The following TBC1D16 variants were observed in gnomAD, a reference collection of about 807,000 sequenced individuals.
TBC1D16 encodes the protein TBC1 domain family member 16.
In TBC1D16, 58 loss-of-function variants were observed where a neutral mutation model predicts 74.7. The ratio of observed to expected loss-of-function variants is 0.78; its 90% confidence interval spans 0.63 to 0.97. The LOEUF (loss-of-function observed/expected upper bound fraction) is 0.97. Among genes scored for constraint, TBC1D16 ranks in the 50% least tolerant of loss-of-function variants. TBC1D16 has a pLI of 0.00. For missense variants in TBC1D16, 1,014 were observed against 1,079.5 expected, an observed-to-expected ratio of 0.94 and a Z score of 0.85; for synonymous variants, 493 against 474.7, an observed-to-expected ratio of 1.04 and a Z score of -0.50.
In TBC1D16 at chr17:79,944,413, A is replaced by G. The variant is rs528474984; in HGVS notation, c.1908+495T>C. 2.6e-5 allele frequency among the ~76,000 whole-genome samples: 4 copies of G among 152,292 alleles called. No individual in the cohort carries two copies. The highest frequency in any genetic ancestry group is 9.6e-5 in the African/African-American group (4 of 41,564). ...GGAATTTGCTGAGAAGATGCTGGTG[A>G]CGGTGGACGGAGAGTGGAAGTCGGT... On this transcript the variant is annotated intron_variant, in intron 10 of 11. Coordinates refer to ENST00000310924, the MANE Select transcript of TBC1D16 (RefSeq NM_019020.4). The surrounding 1 kb of genome is among the most constrained non-coding windows in gnomAD (Gnocchi z 7.7).
chr17:79,964,906 A>G (rs2033775566), intron 3 of TBC1D16, among the ~76,000 whole-genome samples: 1 of 152,154 alleles, frequency 6.6e-6, no homozygotes, highest in African/African-American at 2.4e-5. Flanking sequence ...TATATAATAT[A>G]TATTGACAGG....
At chr17:80,002,087 G>A (rs1044976724) in intron 3 of TBC1D16, among the ~76,000 whole-genome samples, 15 of 152,168 alleles carry the variant, frequency 9.9e-5, no homozygotes, top group African/African-American at 2.9e-4. Flanking sequence ...GATCCGGAAC[G>A]AGCAGAGCTT....
chr17:79,943,229 C>T (rs957428317), intron 10 of TBC1D16, among the ~76,000 whole-genome samples: 18 of 152,314 alleles, frequency 1.2e-4, no homozygotes, highest in Admixed American at 3.9e-4. Flanking sequence ...CTGGGACGGT[C>T]TTGTTTTGGC....
rs564383644 is a variant in TBC1D16 at position 79,954,616 on chromosome 17, G to A, written c.780-1798C>T. ...CCCAAGTGGACCCTGCGGGAGCTGC[G>A]CTTCAGAATCGTTGCTCACAACACA... On this transcript the variant is annotated intron_variant, in intron 3 of 11. Transcript: ENST00000310924. The surrounding 1 kb of genome is among the most constrained non-coding windows in gnomAD (Gnocchi z 5.5). Among the ~76,000 whole-genome samples the A allele has an allele frequency of 4.6e-5, 7 of 152,134 alleles. No individual in the cohort carries two copies. Among genetic ancestry groups the A allele is most frequent in the Admixed American group, 3.9e-4 (6 of 15,276 alleles).
intron 3 of TBC1D16, among the ~76,000 whole-genome samples, chr17:79,969,648 A>G (rs1185726095): frequency 1.3e-5 from 2 of 152,100 alleles, no homozygotes; most frequent in Admixed American, 1.3e-4. Context: ...TATCCTAGAT[A>G]ATAGAAAATA....
At chr17:79,996,876 C>T (rs1322339207) in intron 3 of TBC1D16, among the ~76,000 whole-genome samples, 5 of 152,144 alleles carry the variant, frequency 3.3e-5, no homozygotes, top group African/African-American at 1.2e-4. Flanking sequence ...TATTCACAGT[C>T]GCCCCTGAAT....
rs189106136 is a variant in TBC1D16, at chr17:79,979,801, T to C, written c.780-26983A>G. On this transcript the variant is annotated intron_variant, in intron 3 of 11. Transcript: ENST00000310924. The surrounding 1 kb of genome is among the most constrained non-coding windows in gnomAD (Gnocchi z 4.8). Reference sequence around the variant, plus strand: ...CCTGACTAGAGAACCAAGCAGAGACTGAGGCCAGAGAATAACCAAGTAGCA... The same window carrying C: ...CCTGACTAGAGAACCAAGCAGAGACCGAGGCCAGAGAATAACCAAGTAGCA... Among the ~76,000 whole-genome samples, 43 of 151,954 alleles carry C rather than the reference T, an allele frequency of 2.8e-4. No homozygotes were observed. Among genetic ancestry groups the C allele is most frequent in the Admixed American group, 2.6e-3 (39 of 15,276 alleles).
intron 1 of TBC1D16, among the ~76,000 whole-genome samples, chr17:80,031,005 C>G (rs1598455798): frequency 6.6e-6 from 1 of 152,220 alleles, no homozygotes. Flanking sequence ...TCGCGTTGCC[C>G]CCGCTGCAGA....
intron 1 of TBC1D16, among the ~76,000 whole-genome samples, chr17:80,016,541 G>C (rs565250427): frequency 4.8e-4 from 73 of 150,754 alleles, no homozygotes; most frequent in African/African-American, 1.7e-3. Context: ...ATCCAGAGCT[G>C]GTTGAGGGTG....
At chr17:79,999,847 C>T (rs928294685) in intron 3 of TBC1D16, among the ~76,000 whole-genome samples, 1 of 151,950 alleles carries the variant, frequency 6.6e-6, no homozygotes, top group Non-Finnish European at 1.5e-5. Flanking sequence ...CCTGGCCACC[C>T]TCGAATTTCT....
intron 3 of TBC1D16, among the ~76,000 whole-genome samples, chr17:79,996,559 A>G (rs186427411): frequency 1.3e-5 from 2 of 152,286 alleles, no homozygotes; most frequent in East Asian, 3.9e-4. Context: ...CAGCCACTCT[A>G]TGCAACAGTT....
rs1340414385 is a variant in TBC1D16, at chr17:79,940,166, TC to T, written c.*692del. The T allele has an allele frequency of 1.3e-5, 2 of 152,202 alleles. No homozygotes were observed. The highest frequency in any genetic ancestry group is 2.9e-5 in the Non-Finnish European group (2 of 68,030). The allele number at this position is 152,202 out of a possible 1,614,324, so 9.4% of individuals were successfully genotyped here. ...CAGGCTCCTGGGCAGACAGTTCCCTTCGTGTACCAGGAGGACGAAATGTTTA... is the reference window on the plus strand; with the variant it reads ...CAGGCTCCTGGGCAGACAGTTCCCTTGTGTACCAGGAGGACGAAATGTTTA... On this transcript the variant is annotated 3_prime_UTR_variant, in exon 12 of 12. Coordinates refer to ENST00000310924, the MANE Select transcript of TBC1D16 (RefSeq NM_019020.4). This position sits in a 1 kb window ranked among gnomAD's most constrained non-coding sequence, Gnocchi z 5.4.
chr17:79,952,602 C>T, intron 4 of TBC1D16, 55 bp downstream of exon 4: 1 of 1,540,362 alleles, frequency 6.5e-7, no homozygotes, highest in Non-Finnish European at 8.8e-7. Flanking sequence ...GCCCAGGCTG[C>T]CAGGGAAAAC....
intron 3 of TBC1D16, among the ~76,000 whole-genome samples, chr17:79,958,859 C>T (rs913238765): frequency 6.6e-6 from 1 of 152,196 alleles, no homozygotes. Context: ...TCTGCTCCCA[C>T]CACTTCTAGT....
At position 79,944,816 on chromosome 17, in the gene TBC1D16, G is replaced by A. The variant is rs1322783898; in HGVS notation, c.1908+92C>T. ...TAATGTGTGGCTGTGGGTGGGGGGC[G>A]GCGAGGCGGACAGGGGCAGCAGGCA... On this transcript the variant is annotated intron_variant, in intron 10 of 11. Coordinates refer to ENST00000310924, the MANE Select transcript of TBC1D16 (RefSeq NM_019020.4). The surrounding 1 kb of genome is among the most constrained non-coding windows in gnomAD (Gnocchi z 7.7). 13 of 1,197,676 alleles carry A rather than the reference G, an allele frequency of 1.1e-5. 1 individual carries two copies. The highest frequency in any genetic ancestry group is 1.1e-4 in the East Asian group (4 of 38,048). The allele number at this position is 1,197,676 out of a possible 1,614,324, so 74.2% of individuals were successfully genotyped here. A position where few individuals can be genotyped will look rare whatever the true frequency, so the allele number is the denominator to read the frequency against.
chr17:79,975,445 C>A lies in TBC1D16; in HGVS notation c.780-22627G>T, dbSNP rs2034292855. Among the ~76,000 whole-genome samples the A allele has an allele frequency of 6.6e-6, 1 of 152,176 alleles. No homozygotes were observed. The highest frequency in any genetic ancestry group is 1.5e-5 in the Non-Finnish European group (1 of 68,028). The stretch of plus-strand genomic sequence containing the variant: ...GCCTACTTAAAAGGCTGCTGAGAGC[C>A]AGCCAGGTGTTCTTTAAGCCCCTGT... On this transcript the variant is annotated intron_variant, in intron 3 of 11. Coordinates refer to ENST00000310924, the MANE Select transcript of TBC1D16 (RefSeq NM_019020.4). The surrounding 1 kb of genome is among the most constrained non-coding windows in gnomAD (Gnocchi z 4.5).
In TBC1D16 at chr17:79,944,014, C is replaced by G; in HGVS notation, c.1908+894G>C. 1 of 1,534,260 alleles carries G rather than the reference C, an allele frequency of 6.5e-7. No individual in the cohort carries two copies. The highest frequency in any genetic ancestry group is 8.7e-7 in the Non-Finnish European group (1 of 1,145,656). On this transcript the variant is annotated intron_variant, in intron 10 of 11. Coordinates refer to ENST00000310924, the MANE Select transcript of TBC1D16 (RefSeq NM_019020.4). The surrounding 1 kb of genome is among the most constrained non-coding windows in gnomAD (Gnocchi z 7.7). ...GCTGAGCCAGGAGGGAAACCTAGAC[C>G]CGGGCCAGGGGCGAGCCGATGACCG... is the stretch of plus-strand genomic sequence containing the variant.
chr17:79,987,902 A>G lies in TBC1D16; in HGVS notation c.779+22258T>C, dbSNP rs545250372. On this transcript the variant is annotated intron_variant, in intron 3 of 11. Transcript: ENST00000310924. The surrounding 1 kb of genome is among the most constrained non-coding windows in gnomAD (Gnocchi z 5.2). ...GGGGGCGGGGTGCTGGGAGATGCAG[A>G]GGCTCAGAAAAACCCTCCGAGGCTC... 1.8e-4 allele frequency among the ~76,000 whole-genome samples: 27 copies of G among 152,142 alleles called. No individual in the cohort carries two copies. The South Asian group carries it at 2.1e-3, about 12-fold the overall frequency.
At chr17:80,011,924 A>C (rs2035910943) in intron 2 of TBC1D16, among the ~76,000 whole-genome samples, 1 of 151,966 alleles carries the variant, frequency 6.6e-6, no homozygotes, top group Non-Finnish European at 1.5e-5. Flanking sequence ...TTGTTTGAGG[A>C]AGGGGCCACC....
Sources: allele counts gnomAD v4.1 joint callset (sites outside exome capture counted in the v4.1 genomes callset), GRCh38; gene constraint gnomAD v4.1.1; non-coding constraint Gnocchi (gnomAD v3.1); transcripts MANE v1.5; gene names NCBI Gene and HGNC (gene_info 2026-07-23, HGNC 2026-07-21).